NBAS: variants seen among roughly 807,000 people sequenced by gnomAD.
NBAS encodes NBAS subunit of NRZ tethering complex, also known as NAG/BC035112 fusion.
A neutral mutation model predicts 302.5 loss-of-function variants in NBAS; 219 were observed. That is an observed-to-expected ratio of 0.72 (90% CI 0.65 to 0.81). NBAS has a LOEUF of 0.81. Ranked by LOEUF, NBAS falls within the 30% of genes least tolerant of loss-of-function variation. The pLI, the probability that NBAS is intolerant of heterozygous loss-of-function variation, is 0.00. For synonymous variants in NBAS, 1,118 were observed against 1,021.6 expected (o/e 1.09, Z -1.80); for missense variants, 2,932 against 2,841.6 (o/e 1.03, Z -0.72).
the NBAS span, among the ~76,000 whole-genome samples, chr2:14,810,453 C>A: frequency 1.4e-4 from 21 of 152,184 alleles, no homozygotes; most frequent in Non-Finnish European, 5.9e-5. Flanking sequence ...CTGCTGCCAT[C>A]GATGTAAGAC....
chr2:14,797,061 A>G, the NBAS span, among the ~76,000 whole-genome samples: 1 of 146,376 alleles, frequency 6.8e-6, no homozygotes, highest in South Asian at 2.2e-4. Context: ...CACTCACTGC[A>G]CTGTAGCCTG....
chr2:14,846,419 C>T, the NBAS span, among the ~76,000 whole-genome samples: 3 of 139,826 alleles, frequency 2.1e-5, no homozygotes, highest in African/African-American at 8.4e-5. Flanking sequence ...ACAAGAAATG[C>T]TAAAAGGAGT....
chr2:15,434,617 C>A (rs1677921712), intron 21 of NBAS, among the ~76,000 whole-genome samples: 1 of 152,150 alleles, frequency 6.6e-6, no homozygotes, highest in African/African-American at 2.4e-5. Context: ...TTTTATTGTT[C>A]ATTTATTTTT....
chr2:15,027,016 A>T, the NBAS span, among the ~76,000 whole-genome samples: 2 of 152,106 alleles, frequency 1.3e-5, no homozygotes, highest in Non-Finnish European at 2.9e-5. Context: ...GTTTTAGGGT[A>T]TAATAATACC....
At chr2:15,413,346 A>C (rs1317331988) in intron 25 of NBAS, among the ~76,000 whole-genome samples, 1 of 152,228 alleles carries the variant, frequency 6.6e-6, no homozygotes, top group Non-Finnish European at 1.5e-5. Context: ...GATAAATAAG[A>C]TCTAGAAGAT....
At chr2:15,281,841 C>A (rs1197626819) in intron 42 of NBAS, among the ~76,000 whole-genome samples, 1 of 152,114 alleles carries the variant, frequency 6.6e-6, no homozygotes, top group Non-Finnish European at 1.5e-5. Context: ...TGGAGAAAAA[C>A]AGTGTTAAGG....
the NBAS span, among the ~76,000 whole-genome samples, chr2:14,782,877 G>A: frequency 3.3e-5 from 5 of 152,148 alleles, no homozygotes; most frequent in East Asian, 7.7e-4. Flanking sequence ...AATACCACAT[G>A]TTTTCACTTA....
At chr2:14,863,775 A>G in the NBAS span, among the ~76,000 whole-genome samples, 2 of 152,248 alleles carry the variant, frequency 1.3e-5, no homozygotes, top group East Asian at 1.9e-4. Context: ...AGATTTAAAC[A>G]TTATATTCCA....
chr2:15,483,835 A>G (rs903981923), intron 12 of NBAS, among the ~76,000 whole-genome samples: 1 of 152,240 alleles, frequency 6.6e-6, no homozygotes, highest in Non-Finnish European at 1.5e-5. Context: ...AAGGCTGTGC[A>G]GGGTAGCAGC....
At chr2:15,553,697 A>ACTCTCCCCAT (rs1361883300) in intron 4 of NBAS, among the ~76,000 whole-genome samples, 5 of 142,026 alleles carry the variant, frequency 3.5e-5, no homozygotes, top group Non-Finnish European at 7.7e-5. Context: ...TCTCTCCCCC[A>ACTCTCCCCAT]CTCTCCCCAT....
the NBAS span, among the ~76,000 whole-genome samples, chr2:15,018,351 T>A: frequency 1.3e-5 from 2 of 152,034 alleles, no homozygotes; most frequent in Admixed American, 6.6e-5. Flanking sequence ...CTGCTAATTA[T>A]CCTGATCACT....
the NBAS span, among the ~76,000 whole-genome samples, chr2:14,827,311 C>T: frequency 5.2e-3 from 797 of 152,282 alleles, 5 homozygotes; most frequent in African/African-American, 0.018. Flanking sequence ...ATTTGTTTTG[C>T]AGCTCTGTAT....
chr2:15,393,810 C>G, intron 28 of NBAS: 1 of 447,872 alleles, frequency 2.2e-6, no homozygotes, highest in Non-Finnish European at 4.6e-6. Context: ...ATGGATGAAT[C>G]ACAAAATAAT....
chr2:14,939,828 A>T, the NBAS span, among the ~76,000 whole-genome samples: 2 of 152,238 alleles, frequency 1.3e-5, no homozygotes, highest in African/African-American at 4.8e-5. Context: ...TCATCCAAAA[A>T]TGTCCAAATG....
chr2:15,274,485 G>A (rs1669477153), intron 44 of NBAS, among the ~76,000 whole-genome samples: 1 of 152,186 alleles, frequency 6.6e-6, no homozygotes, highest in South Asian at 2.1e-4. Context: ...CAGCAGTTGA[G>A]TCCAAATGCT....
chr2:15,348,894 G>A lies in NBAS; in HGVS notation c.4179+3098C>T, dbSNP rs73914828. On this transcript the variant is annotated intron_variant, in intron 35 of 51. Transcript: ENST00000281513. ...ACGTCACACCGTAAAGTGCTAAAAC[G>A]GAACAGTGAGAGAGAATGCTTAGGG... Among the ~76,000 whole-genome samples the A allele has an allele frequency of 9.6e-3, 1,460 of 152,188 alleles. 30 individuals are homozygous for A. Among genetic ancestry groups the A allele is most frequent in the African/African-American group, 0.033 (1,387 of 41,526 alleles).
the NBAS span, among the ~76,000 whole-genome samples, chr2:14,790,815 G>A: frequency 6.6e-6 from 1 of 150,752 alleles, no homozygotes; most frequent in African/African-American, 2.4e-5. Context: ...CCACACCCAG[G>A]TAATTTTGTG....
chr2:15,506,175 T>C (rs1379227317), intron 10 of NBAS, among the ~76,000 whole-genome samples: 1 of 151,996 alleles, frequency 6.6e-6, no homozygotes, highest in African/African-American at 2.4e-5. Context: ...TGCCAGAGAA[T>C]CTGAAGAAGA....
intron 5 of NBAS, 126 bp from the exon 6 acceptor site, chr2:15,551,662 G>T: frequency 1.5e-6 from 1 of 652,254 alleles, no homozygotes. Context: ...CTCAGACATG[G>T]TTTTGTGGCT....
Sources: allele counts gnomAD v4.1 joint callset (sites outside exome capture counted in the v4.1 genomes callset), GRCh38; gene constraint gnomAD v4.1.1; transcripts MANE v1.5; gene names NCBI Gene and HGNC (gene_info 2026-07-23, HGNC 2026-07-21).